COL9A1: variants seen among roughly 807,000 people sequenced by gnomAD.
The protein encoded by COL9A1 is collagen type IX alpha 1 chain, also known as collagen alpha-1(IX) chain.
A neutral mutation model predicts 142.6 loss-of-function variants in COL9A1; 104 were observed. The ratio of observed to expected loss-of-function variants is 0.73; its 90% CI spans 0.62 to 0.86. COL9A1 has a LOEUF of 0.86. Ranked by LOEUF, COL9A1 falls within the 40% of genes least tolerant of loss-of-function variation. The pLI is 0.00. For missense variants in COL9A1, 1,210 were observed against 1,176.6 expected (o/e 1.03, Z -0.42); for synonymous variants, 466 against 396.0 (o/e 1.18, Z -2.10).
chr6:70,259,866 C>T (rs1771561234), intron 20 of COL9A1, among the ~76,000 whole-genome samples: 1 of 152,106 alleles, frequency 6.6e-6, no homozygotes, highest in African/African-American at 2.4e-5. Flanking sequence ...TGAGACTGGG[C>T]TAAGGGCAGG....
At chr6:70,266,581 A>G in intron 18 of COL9A1, 136 bp downstream of exon 18, 1 of 782,820 alleles carries the variant, frequency 1.3e-6, no homozygotes. Flanking sequence ...ATCTGCTTAG[A>G]ACTTATCAAT....
At chr6:70,289,525 C>T (rs775817945) in intron 5 of COL9A1, among the ~76,000 whole-genome samples, 13 of 152,224 alleles carry the variant, frequency 8.5e-5, no homozygotes, top group Admixed American at 2.0e-4. Context: ...TGGTCTACAA[C>T]GCAGCAGGCT....
intron 28 of COL9A1, among the ~76,000 whole-genome samples, chr6:70,247,670 A>G (rs945849922): frequency 6.6e-6 from 1 of 152,252 alleles, no homozygotes; most frequent in Non-Finnish European, 1.5e-5. Context: ...TTGAAAGGTC[A>G]TATTAGTCCT....
intron 28 of COL9A1, among the ~76,000 whole-genome samples, chr6:70,249,835 C>T (rs77349995): frequency 0.054 from 8,292 of 152,236 alleles, 323 homozygotes; most frequent in Non-Finnish European, 0.084. Context: ...ATGCAGCCCA[C>T]GGCACTTAAC....
At chr6:70,293,347 A>G (rs974184577) in intron 5 of COL9A1, among the ~76,000 whole-genome samples, 6 of 152,306 alleles carry the variant, frequency 3.9e-5, no homozygotes, top group African/African-American at 1.4e-4. Flanking sequence ...TGCTCAAAGT[A>G]TAACAATTCA....
chr6:70,219,855 A>C (rs1768759829), intron 37 of COL9A1, among the ~76,000 whole-genome samples: 1 of 152,236 alleles, frequency 6.6e-6, no homozygotes, highest in African/African-American at 2.4e-5. Flanking sequence ...CCAGCCAAAA[A>C]CCTTAAGTTT....
chr6:70,294,442 G>C lies in COL9A1; in HGVS notation c.421C>G (p.Gln141Glu), dbSNP rs144734463. The change falls in exon 5 of 38, where the codon CAA (glutamine) becomes GAA (glutamate). Residue 141 changes from glutamine to glutamate, a missense_variant. Physicochemically the swap from Gln to Glu is conservative, Grantham distance 29. Coordinates refer to ENST00000357250, the MANE Select transcript of COL9A1 (RefSeq NM_001851.6). ...TGGCCATTAATCTTTATGCCAACTT[G>C]CTCCTTCCCAGAGGAATCCTGAATC... ...WQIQDSSGKE[Q>E]VGIKINGQTQ... The C allele has an allele frequency of 6.2e-7, 1 of 1,614,068 alleles. No individual in the cohort carries two copies. Among genetic ancestry groups the C allele is most frequent in the East Asian group, 2.2e-5 (1 of 44,878 alleles).
At position 70,265,773 on chromosome 6, in the gene COL9A1, A is replaced by C. The variant is rs1771972130; in HGVS notation, c.1341+944T>G. Among the ~76,000 whole-genome samples, 4 of 152,106 alleles carry C rather than the reference A, an allele frequency of 2.6e-5. 1 individual carries two copies. In the South Asian group the frequency reaches 8.3e-4, roughly 31 times the overall value. On this transcript the variant is annotated intron_variant, in intron 18 of 37. Coordinates refer to ENST00000357250, the MANE Select transcript of COL9A1 (RefSeq NM_001851.6). ...TTTTAAAATAAATGTCCAAACTGTAATAGGTTACAGAAAATTGGTCTATTT... is the reference window on the plus strand; with the variant it reads ...TTTTAAAATAAATGTCCAAACTGTACTAGGTTACAGAAAATTGGTCTATTT...
At chr6:70,242,737 C>A (rs1016919293) in intron 28 of COL9A1, 22 bp from the exon 29 acceptor site, 1 of 1,612,154 alleles carries the variant, frequency 6.2e-7, no homozygotes, top group Non-Finnish European at 8.5e-7. Context: ...CAAACATTGT[C>A]AATTGGATAT....
At position 70,274,920 on chromosome 6, in the gene COL9A1, T is replaced by C. The variant is rs1772657574; in HGVS notation, c.976-148A>G. Reference sequence around the variant, plus strand: ...TTTATAAAGAAATACCTTACTATAGTCTTACTCAAAAGTAAAGATTAACAG... The same window carrying C: ...TTTATAAAGAAATACCTTACTATAGCCTTACTCAAAAGTAAAGATTAACAG... On this transcript the variant is annotated intron_variant, in intron 10 of 37. Coordinates refer to ENST00000357250, the MANE Select transcript of COL9A1 (RefSeq NM_001851.6). 6 of 653,266 alleles carry C rather than the reference T, an allele frequency of 9.2e-6. No homozygotes were observed. The South Asian group carries it at 1.1e-4, about 12-fold the overall frequency. 40.5% of individuals were successfully genotyped at this position (653,266 alleles called of 1,614,324 possible).
At chr6:70,290,944 C>T (rs958423273) in intron 5 of COL9A1, among the ~76,000 whole-genome samples, 5 of 151,814 alleles carry the variant, frequency 3.3e-5, no homozygotes, top group Non-Finnish European at 7.4e-5. Context: ...GAATATTTGC[C>T]ATCTCCAAAT....
At chr6:70,291,303 G>C (rs1773650977) in intron 5 of COL9A1, among the ~76,000 whole-genome samples, 2 of 152,118 alleles carry the variant, frequency 1.3e-5, no homozygotes, top group South Asian at 4.1e-4. Context: ...GAGTCCATCT[G>C]TCTGAAACAT....
intron 1 of COL9A1, 39 bp from the exon 2 acceptor site, chr6:70,302,113 C>G (rs377569543): frequency 4.2e-6 from 6 of 1,414,610 alleles, no homozygotes; most frequent in Non-Finnish European, 6.0e-6. Context: ...AACAGGAGTC[C>G]CCGCAGATGG....
intron 4 of COL9A1, among the ~76,000 whole-genome samples, chr6:70,295,168 G>T (rs1289328175): frequency 6.7e-6 from 1 of 149,982 alleles, no homozygotes; most frequent in East Asian, 2.0e-4. Context: ...GAGGATGTTT[G>T]TCTTTTTTTA....
intron 19 of COL9A1, among the ~76,000 whole-genome samples, chr6:70,262,422 C>A (rs1332814733): frequency 6.6e-6 from 1 of 152,178 alleles, no homozygotes; most frequent in Non-Finnish European, 1.5e-5. Flanking sequence ...ATCTGCACAG[C>A]TCGCTGAACC....
chr6:70,238,251 C>T (rs1368439953), intron 33 of COL9A1, among the ~76,000 whole-genome samples: 1 of 152,168 alleles, frequency 6.6e-6, no homozygotes, highest in Non-Finnish European at 1.5e-5. Flanking sequence ...CTTATGGAAG[C>T]TGGCAGTAGT....
Position 70,232,596 on chromosome 6 carries a change from C to A in COL9A1, c.2490G>T (p.Leu830Phe). ...AAGATGACTTACCTTTAGGTCCCCTCAAACCAAGAGCACCAGGGGGCCCCT... is the reference window on the plus strand; with the variant it reads ...AAGATGACTTACCTTTAGGTCCCCTAAAACCAAGAGCACCAGGGGGCCCCT... ...GIKGPPGALGLRGPKGDLGEK... is the reference protein window; with the variant it reads ...GIKGPPGALGFRGPKGDLGEK... The change falls in exon 36 of 38, where the codon TTG becomes TTT. Residue 830 changes from leucine to phenylalanine, a missense_variant. By Grantham distance (22) the Leu-to-Phe change is conservative (BLOSUM62 0). Transcript: ENST00000357250. 6.2e-7 allele frequency: 1 copy of A among 1,613,982 alleles called. No individual in the cohort carries two copies. Among genetic ancestry groups the A allele is most frequent in the Non-Finnish European group, 8.5e-7 (1 of 1,180,020 alleles).
intron 14 of COL9A1, among the ~76,000 whole-genome samples, chr6:70,271,426 T>C (rs890557882): frequency 1.3e-5 from 2 of 152,138 alleles, no homozygotes; most frequent in African/African-American, 4.8e-5. Flanking sequence ...TACTTGACAA[T>C]CTGGAAGTTG....
At chr6:70,218,255 C>T (rs1768653472) in intron 37 of COL9A1, among the ~76,000 whole-genome samples, 2 of 152,130 alleles carry the variant, frequency 1.3e-5, no homozygotes, top group African/African-American at 4.8e-5. Flanking sequence ...GTGCCATGTG[C>T]CCTACAAATT....
Sources: gnomAD v4.1 joint callset for allele counts (sites outside exome capture counted in the v4.1 genomes callset) on GRCh38, gnomAD v4.1.1 for gene constraint, MANE v1.5 for transcripts, NCBI Gene and HGNC (gene_info 2026-07-23, HGNC 2026-07-21) for gene names.